Variants in BABAM2 observed in about 807,000 individuals in gnomAD.
BABAM2 encodes BRISC and BRCA1-A complex member 2.
In BABAM2, 31 loss-of-function variants were observed where a neutral mutation model predicts 54.7. That is an observed-to-expected ratio of 0.57 (90% CI 0.43 to 0.77). BABAM2 has a LOEUF of 0.77. Among genes scored for constraint, BABAM2 ranks in the 30% least tolerant of loss-of-function variants. The probability of loss-of-function intolerance (pLI) is 0.00; values close to 1 mark genes in which losing one functional copy is unlikely to be tolerated. For missense variants in BABAM2, 364 were observed against 455.8 expected (o/e 0.80, Z 1.83); for synonymous variants, 167 against 162.9 (o/e 1.03, Z -0.19).
chr2:28,333,117 A>T (rs1423206249), intron 11 of BABAM2, among the ~76,000 whole-genome samples: 4 of 151,348 alleles, frequency 2.6e-5, no homozygotes, highest in African/African-American at 9.7e-5. Context: ...AATAGTTGAC[A>T]TCTATTGATC....
chr2:28,136,234 C>T (rs1316930516), intron 7 of BABAM2, among the ~76,000 whole-genome samples: 2 of 152,228 alleles, frequency 1.3e-5, no homozygotes, highest in Admixed American at 6.5e-5. Flanking sequence ...GTTCTTAGAT[C>T]TTCTCAATCA....
Position 28,236,355 on chromosome 2 carries a change from T to A in BABAM2, c.681-847T>A, listed in dbSNP as rs1025531273. On this transcript the variant is annotated intron_variant, in intron 7 of 11. Coordinates refer to ENST00000379624, the MANE Select transcript of BABAM2 (RefSeq NM_199191.3). ...GAAAAAAAGAATTTCTTTTTTTTTT[T>A]CTTTTTTTCTTTTTTCTTTTTTTTT... Among the ~76,000 whole-genome samples the A allele has an allele frequency of 7.9e-5, 12 of 151,934 alleles. No homozygotes were observed. In the East Asian group the frequency reaches 2.3e-3, roughly 29 times the overall value.
At chr2:27,974,145 A>G (rs1425901064) in intron 3 of BABAM2, among the ~76,000 whole-genome samples, 3 of 152,206 alleles carry the variant, frequency 2.0e-5, no homozygotes, top group African/African-American at 4.8e-5. Context: ...AATTTTATGC[A>G]GTATCATCCA....
At chr2:28,328,567 G>T (rs55651241) in intron 11 of BABAM2, among the ~76,000 whole-genome samples, 15,918 of 152,146 alleles carry the variant, frequency 0.1, 1,437 homozygotes, top group African/African-American at 0.24. Context: ...AGAAAAGCAT[G>T]TTTGAATTCC....
At chr2:28,317,040 C>T (rs754799121) in intron 11 of BABAM2, among the ~76,000 whole-genome samples, 4 of 152,058 alleles carry the variant, frequency 2.6e-5, no homozygotes, top group Non-Finnish European at 5.9e-5. Flanking sequence ...ATGAGTATCC[C>T]CCAGACCCCC....
chr2:27,938,801 T>C (rs1372346238), intron 3 of BABAM2, among the ~76,000 whole-genome samples: 1 of 145,720 alleles, frequency 6.9e-6, no homozygotes, highest in Non-Finnish European at 1.6e-5. Context: ...AATAGATAAA[T>C]ATTCTCTAAC....
chr2:27,954,809 T>C (rs1055720402), intron 3 of BABAM2, among the ~76,000 whole-genome samples: 42 of 152,236 alleles, frequency 2.8e-4, no homozygotes, highest in Admixed American at 6.5e-5. Context: ...CTTTCTTTTC[T>C]TCCAGAAATA....
At chr2:28,138,648 T>C (rs1670751244) in intron 7 of BABAM2, among the ~76,000 whole-genome samples, 1 of 152,188 alleles carries the variant, frequency 6.6e-6, no homozygotes, top group Non-Finnish European at 1.5e-5. Flanking sequence ...ACACTTCCTG[T>C]CTTCCTGTCC....
intron 3 of BABAM2, among the ~76,000 whole-genome samples, chr2:27,948,181 A>C (rs1374683015): frequency 6.6e-6 from 1 of 151,874 alleles, no homozygotes; most frequent in Non-Finnish European, 1.5e-5. Flanking sequence ...TGTTTATTAA[A>C]TATTTAATAT....
chr2:27,920,724 G>A (rs1667287346), intron 2 of BABAM2, among the ~76,000 whole-genome samples: 1 of 152,140 alleles, frequency 6.6e-6, no homozygotes, highest in African/African-American at 2.4e-5. Context: ...TAAATTAATA[G>A]TCAGGGTAAA....
intron 7 of BABAM2, among the ~76,000 whole-genome samples, chr2:28,216,908 C>G (rs777655637): frequency 2.0e-5 from 3 of 152,296 alleles, no homozygotes; most frequent in Admixed American, 6.5e-5. Flanking sequence ...ACACTTCAGC[C>G]TCATTTCCAC....
At chr2:28,050,840 T>A (rs1355515202) in intron 6 of BABAM2, among the ~76,000 whole-genome samples, 1 of 152,066 alleles carries the variant, frequency 6.6e-6, no homozygotes, top group Non-Finnish European at 1.5e-5. Context: ...GAGGAACAGA[T>A]CAGGGATGGA....
chr2:27,890,225 G>A (rs2148241102), upstream of BABAM2: 2 of 1,604,172 alleles, frequency 1.2e-6, no homozygotes, highest in Middle Eastern at 1.7e-4. This position sits in a 1 kb window ranked among gnomAD's most constrained non-coding sequence, Gnocchi z 4.8. Context: ...CCTCCCCCGA[G>A]CCGCAGACTG....
At chr2:28,013,564 T>A (rs1400141843) in intron 4 of BABAM2, among the ~76,000 whole-genome samples, 1 of 151,494 alleles carries the variant, frequency 6.6e-6, no homozygotes, top group Non-Finnish European at 1.5e-5. Context: ...AACTGTCATA[T>A]TCTGTATTGA....
chr2:28,025,138 T>C, intron 4 of BABAM2, 88 bp from the exon 5 acceptor site: 2 of 1,207,310 alleles, frequency 1.7e-6, no homozygotes, highest in Non-Finnish European at 2.3e-6. Context: ...CTATTACTCT[T>C]TTCCTCTACA....
intron 6 of BABAM2, among the ~76,000 whole-genome samples, chr2:28,061,517 G>A (rs550757794): frequency 2.0e-5 from 3 of 149,830 alleles, no homozygotes; most frequent in African/African-American, 7.4e-5. Flanking sequence ...CCTGGGAGGC[G>A]GAGCTTGCAC....
At chr2:28,072,006 T>A (rs1664187583) in intron 6 of BABAM2, among the ~76,000 whole-genome samples, 1 of 152,224 alleles carries the variant, frequency 6.6e-6, no homozygotes, top group Non-Finnish European at 1.5e-5. Context: ...ACTAAACATT[T>A]TTTTTAAACC....
intron 4 of BABAM2, among the ~76,000 whole-genome samples, chr2:28,021,585 G>A (rs1416683631): frequency 6.6e-6 from 1 of 152,132 alleles, no homozygotes; most frequent in East Asian, 1.9e-4. Context: ...TAATGGGCTT[G>A]CATACTTTTC....
intron 10 of BABAM2, among the ~76,000 whole-genome samples, chr2:28,280,937 G>C (rs1229011810): frequency 3.3e-5 from 5 of 152,172 alleles, no homozygotes; most frequent in Non-Finnish European, 7.4e-5. Flanking sequence ...GAATGAGAAG[G>C]GGTTAGCTGT....
Sources: gnomAD v4.1 joint callset for allele counts (sites outside exome capture counted in the v4.1 genomes callset) on GRCh38, gnomAD v4.1.1 for gene constraint, Gnocchi (gnomAD v3.1) non-coding constraint, MANE v1.5 for transcripts, NCBI Gene and HGNC (gene_info 2026-07-23, HGNC 2026-07-21) for gene names.